Variants in VAT1L observed in about 807,000 individuals in gnomAD.
The protein encoded by VAT1L is vesicle amine transport 1 like, also known as putative NADPH-dependent quinone oxidoreductase VAT1L.
In VAT1L, 34 loss-of-function variants were observed where a neutral mutation model predicts 44.1. The observed-to-expected ratio is 0.77, with a 90% confidence interval of 0.59 to 1.03. The LOEUF (loss-of-function observed/expected upper bound fraction) is 1.03, where lower values mean the gene tolerates loss of function less well. Ranked by LOEUF, VAT1L falls within the 50% of genes least tolerant of loss-of-function variation. VAT1L has a pLI of 0.00. For missense variants in VAT1L, 615 were observed against 538.8 expected, an observed-to-expected ratio of 1.14 and a Z score of -1.40; for synonymous variants, 253 against 202.2, an observed-to-expected ratio of 1.25 and a Z score of -2.13.
chr16:77,804,929 A>T (rs2016129003), intron 1 of VAT1L, among the ~76,000 whole-genome samples: 1 of 152,196 alleles, frequency 6.6e-6, no homozygotes, highest in Admixed American at 6.5e-5. Flanking sequence ...TAGATTATGA[A>T]TAAAATCAGA....
At chr16:77,866,714 T>C (rs959002827) in intron 4 of VAT1L, among the ~76,000 whole-genome samples, 2 of 152,062 alleles carry the variant, frequency 1.3e-5, no homozygotes, top group African/African-American at 4.8e-5. Context: ...AGGCAGGTGT[T>C]GTAAAGGGAA....
intron 7 of VAT1L, among the ~76,000 whole-genome samples, chr16:77,894,695 T>C (rs928417467): frequency 6.6e-6 from 1 of 152,114 alleles, no homozygotes; most frequent in Admixed American, 6.6e-5. Context: ...TTTAAGTGGG[T>C]GAATTGTATA....
At position 77,977,706 on chromosome 16, in the gene VAT1L, A is replaced by G. The variant is rs2018356461; in HGVS notation, c.*11A>G. ...CCCTTTATCCAGTAACTGAGGACCC[A>G]GGTGGGAGAATGTGAAGGATGGTTT... On this transcript the variant is annotated 3_prime_UTR_variant, in exon 9 of 9. Transcript: ENST00000302536. 3 of 1,612,516 alleles carry G rather than the reference A, an allele frequency of 1.9e-6. No homozygotes were observed. The highest frequency in any genetic ancestry group is 2.5e-6 in the Non-Finnish European group (3 of 1,179,168).
intron 4 of VAT1L, among the ~76,000 whole-genome samples, chr16:77,863,127 C>T (rs1191781538): frequency 6.6e-6 from 1 of 152,164 alleles, no homozygotes. Flanking sequence ...ATTAAAGTTA[C>T]GCTAGCTCCT....
chr16:77,827,560 G>A (rs542570815), intron 3 of VAT1L, among the ~76,000 whole-genome samples: 1 of 152,304 alleles, frequency 6.6e-6, no homozygotes, highest in South Asian at 2.1e-4. Flanking sequence ...GGGGAAAGTG[G>A]ACAATGAGGG....
chr16:77,867,371 T>TA (rs930139992), intron 4 of VAT1L, among the ~76,000 whole-genome samples: 1 of 152,122 alleles, frequency 6.6e-6, no homozygotes, highest in Non-Finnish European at 1.5e-5. Context: ...ATAAAGCTAT[T>TA]AAAAAAACCT....
chr16:77,827,875 T>C (rs2016540885), intron 3 of VAT1L, among the ~76,000 whole-genome samples: 1 of 152,202 alleles, frequency 6.6e-6, no homozygotes, highest in African/African-American at 2.4e-5. Context: ...ATGAAGGTTT[T>C]TCTTACGGTG....
intron 1 of VAT1L, among the ~76,000 whole-genome samples, chr16:77,803,669 C>T (rs373628296): frequency 2.2e-4 from 33 of 152,074 alleles, no homozygotes; most frequent in African/African-American, 9.6e-5. Flanking sequence ...TCCGCCTGCC[C>T]GGGCCTCCCA....
intron 3 of VAT1L, among the ~76,000 whole-genome samples, chr16:77,861,121 G>A (rs900092740): frequency 3.3e-5 from 5 of 152,132 alleles, no homozygotes; most frequent in African/African-American, 7.2e-5. Context: ...TAATTGCAAC[G>A]GGTGATAAGA....
At chr16:77,837,925 G>A (rs1157366748) in intron 3 of VAT1L, among the ~76,000 whole-genome samples, 1 of 152,196 alleles carries the variant, frequency 6.6e-6, no homozygotes, top group East Asian at 1.9e-4. Flanking sequence ...ATTACCCAGC[G>A]ATACTTTGGC....
chr16:77,885,921 A>G (rs1406044646), intron 7 of VAT1L, among the ~76,000 whole-genome samples: 1 of 152,162 alleles, frequency 6.6e-6, no homozygotes, highest in Non-Finnish European at 1.5e-5. Flanking sequence ...GAATGTGCCT[A>G]TATCTCTCTC....
At chr16:77,872,108 G>A (rs1301461843) in intron 4 of VAT1L, among the ~76,000 whole-genome samples, 1 of 152,134 alleles carries the variant, frequency 6.6e-6, no homozygotes, top group Non-Finnish European at 1.5e-5. Flanking sequence ...TGGGGAAACT[G>A]AGGCACAGAG....
At chr16:77,841,952 A>G (rs1202092361) in intron 3 of VAT1L, among the ~76,000 whole-genome samples, 1 of 151,720 alleles carries the variant, frequency 6.6e-6, no homozygotes, top group African/African-American at 2.4e-5. Context: ...CAGTGGCACG[A>G]TCTTGGCTCA....
intron 3 of VAT1L, among the ~76,000 whole-genome samples, chr16:77,834,693 G>A (rs1220278932): frequency 1.3e-5 from 2 of 152,050 alleles, no homozygotes; most frequent in Non-Finnish European, 2.9e-5. Flanking sequence ...AAAAAAAGAA[G>A]CTTCTCTTAT....
chr16:77,837,798 G>A (rs1234786782), intron 3 of VAT1L, among the ~76,000 whole-genome samples: 1 of 152,082 alleles, frequency 6.6e-6, no homozygotes, highest in Non-Finnish European at 1.5e-5. Context: ...TTATTATATG[G>A]CATTTTAAAA....
In VAT1L at chr16:77,922,142, T is replaced by C. The variant is rs190032332; in HGVS notation, c.1077+37340T>C. 2.0e-5 allele frequency among the ~76,000 whole-genome samples: 3 copies of C among 152,110 alleles called. No homozygotes were observed. In the South Asian group the frequency reaches 6.2e-4, roughly 32 times the overall value. On this transcript the variant is annotated intron_variant, in intron 7 of 8. Transcript: ENST00000302536. ...TAAGCATGTGGAATATTTTATTTCA[T>C]AAATGAAGAATCTCTCGCTGTGTGA... is the stretch of plus-strand genomic sequence containing the variant.
At chr16:77,909,705 C>T (rs565822958) in intron 7 of VAT1L, among the ~76,000 whole-genome samples, 138 of 150,788 alleles carry the variant, frequency 9.2e-4, no homozygotes, top group African/African-American at 2.6e-3. Flanking sequence ...TGTATCTTTT[C>T]GTGCAATCTA....
intron 1 of VAT1L, chr16:77,801,650 T>A (rs1156715217): frequency 7.0e-6 from 1 of 143,244 alleles, no homozygotes; most frequent in East Asian, 2.0e-4. Flanking sequence ...CTCCTACCCC[T>A]CCTCCCAACA....
intron 1 of VAT1L, chr16:77,801,750 C>T (rs1341228420): frequency 6.7e-6 from 1 of 150,160 alleles, no homozygotes. Flanking sequence ...CATCTAGGAT[C>T]AGAAAGAAAT....
Sources: gnomAD v4.1 joint callset for allele counts (sites outside exome capture counted in the v4.1 genomes callset) on GRCh38, gnomAD v4.1.1 for gene constraint, MANE v1.5 for transcripts, NCBI Gene and HGNC (gene_info 2026-07-23, HGNC 2026-07-21) for gene names.